The following TFCP2 variants were observed in gnomAD, a reference collection of about 807,000 sequenced individuals.
TFCP2 encodes the protein alpha-globin transcription factor CP2.
TFCP2 carries 33 observed loss-of-function variants against 73.4 expected under a neutral mutation model. The observed-to-expected ratio is 0.45, with a 90% CI of 0.34 to 0.60. The LOEUF is 0.60. Ranked by LOEUF, TFCP2 falls within the 20% of genes least tolerant of loss-of-function variation. The pLI, the probability that TFCP2 is intolerant of heterozygous loss-of-function variation, is 0.01. For missense variants in TFCP2, 352 were observed against 604.0 expected, an observed-to-expected ratio of 0.58 and a Z score of 4.37; for synonymous variants, 193 against 211.6, an observed-to-expected ratio of 0.91 and a Z score of 0.76.
At chr12:51,138,988 A>G (rs1180862731) in intron 1 of TFCP2, among the ~76,000 whole-genome samples, 1 of 152,200 alleles carries the variant, frequency 6.6e-6, no homozygotes, top group Non-Finnish European at 1.5e-5. Flanking sequence ...TGGCCAGCAA[A>G]TTCCCTAGAG....
intron 1 of TFCP2, among the ~76,000 whole-genome samples, chr12:51,137,803 A>T (rs1941095130): frequency 6.6e-6 from 1 of 152,212 alleles, no homozygotes; most frequent in Non-Finnish European, 1.5e-5. Context: ...ATAACTGGGA[A>T]AACACCAACA....
intron 4 of TFCP2, among the ~76,000 whole-genome samples, chr12:51,113,093 G>A (rs56847302): frequency 0.15 from 22,637 of 151,952 alleles, 2,089 homozygotes; most frequent in East Asian, 0.49. Flanking sequence ...CAGAACTGTG[G>A]TATTAACTAT....
chr12:51,157,378 C>T lies in TFCP2; in HGVS notation c.122+14923G>A, dbSNP rs1269422731. Reference sequence around the variant, plus strand: ...TTACCCTAGGTAGAATGCCGTGGAACAATCATGGTTAACTGCAGCCTTGAA... The same window carrying T: ...TTACCCTAGGTAGAATGCCGTGGAATAATCATGGTTAACTGCAGCCTTGAA... On this transcript the variant is annotated intron_variant, in intron 1 of 14. Transcript: ENST00000257915. Among the ~76,000 whole-genome samples the T allele has an allele frequency of 2.0e-5, 3 of 152,074 alleles. No individual in the cohort carries two copies. In the East Asian group the frequency reaches 5.8e-4, roughly 29 times the overall value.
chr12:51,104,009 T>A, intron 9 of TFCP2, 146 bp downstream of exon 9: 2 of 867,164 alleles, frequency 2.3e-6, no homozygotes, highest in Non-Finnish European at 3.8e-6. Flanking sequence ...TAGCACAGTA[T>A]CTGGTTCATA....
chr12:51,150,624 G>T (rs1353348974), intron 1 of TFCP2, among the ~76,000 whole-genome samples: 1 of 151,940 alleles, frequency 6.6e-6, no homozygotes, highest in Non-Finnish European at 1.5e-5. Flanking sequence ...GAGAAGATTT[G>T]GAAGATGGAC....
chr12:51,115,276 C>A (rs192004044), intron 4 of TFCP2, among the ~76,000 whole-genome samples: 1 of 151,842 alleles, frequency 6.6e-6, no homozygotes, highest in African/African-American at 2.4e-5. Context: ...CCCGCCACCA[C>A]GCCCAGCTAA....
intron 1 of TFCP2, among the ~76,000 whole-genome samples, chr12:51,123,802 T>C (rs1019642905): frequency 1.3e-5 from 2 of 152,226 alleles, no homozygotes; most frequent in African/African-American, 2.4e-5. Context: ...TTCACTGATA[T>C]GATGTATACT....
intron 1 of TFCP2, among the ~76,000 whole-genome samples, chr12:51,130,672 G>T (rs1297106379): frequency 6.6e-6 from 1 of 151,864 alleles, no homozygotes; most frequent in African/African-American, 2.4e-5. Context: ...AAACTAACTG[G>T]CTTATAAATC....
In TFCP2 at chr12:51,100,581, C is replaced by T. The variant is rs567973240; in HGVS notation, c.1152-802G>A. On this transcript the variant is annotated intron_variant, in intron 11 of 14. Transcript: ENST00000257915. ...CTGTAATCCCAGCACTTTAGGAAGG[C>T]GAGTCAGAAGGATTGCTTGAGCTCA... Among the ~76,000 whole-genome samples the T allele has an allele frequency of 1.4e-4, 22 of 152,234 alleles. 1 individual carries two copies. Among genetic ancestry groups the T allele is most frequent in the East Asian group, 3.9e-4 (2 of 5,178 alleles).
chr12:51,125,412 T>C (rs1408843004), intron 1 of TFCP2: 4 of 433,792 alleles, frequency 9.2e-6, no homozygotes, highest in Non-Finnish European at 1.8e-5. Flanking sequence ...TGCCATGTTT[T>C]CTTCTGTGGG....
At chr12:51,130,367 G>A (rs1940912905) in intron 1 of TFCP2, among the ~76,000 whole-genome samples, 1 of 152,026 alleles carries the variant, frequency 6.6e-6, no homozygotes, top group South Asian at 2.1e-4. Flanking sequence ...AGCTACTCAG[G>A]AGGCTGAGGC....
chr12:51,104,006 G>A, intron 9 of TFCP2, 149 bp downstream of exon 9: 2 of 852,084 alleles, frequency 2.3e-6, no homozygotes, highest in South Asian at 2.9e-5. Context: ...CCCTAGCACA[G>A]TATCTGGTTC....
At chr12:51,141,047 C>T (rs1374276775) in intron 1 of TFCP2, among the ~76,000 whole-genome samples, 1 of 151,560 alleles carries the variant, frequency 6.6e-6, no homozygotes, top group African/African-American at 2.4e-5. Context: ...CAGAGTGAGA[C>T]TCTGTCTAAA....
At chr12:51,120,177 C>CAA (rs33982936) in intron 1 of TFCP2, among the ~76,000 whole-genome samples, 85 of 57,206 alleles carry the variant, frequency 1.5e-3, no homozygotes, top group Middle Eastern at 0.025. Flanking sequence ...GACTCTGTCT[C>CAA]AAAAAAAAAA....
chr12:51,136,133 C>T (rs1027625067), intron 1 of TFCP2, among the ~76,000 whole-genome samples: 17 of 151,712 alleles, frequency 1.1e-4, no homozygotes, highest in Admixed American at 9.9e-4. Context: ...AGTGAAACCC[C>T]GTCTCTACTA....
intron 12 of TFCP2, 147 bp from the exon 13 acceptor site, chr12:51,099,065 T>C: frequency 1.2e-6 from 1 of 843,544 alleles, no homozygotes; most frequent in South Asian, 1.8e-5. Context: ...TGCAGCTGTG[T>C]GACCTAGGGC....
At chr12:51,118,590 A>G in intron 2 of TFCP2, 31 bp downstream of exon 2, 2 of 1,609,430 alleles carry the variant, frequency 1.2e-6, no homozygotes, top group South Asian at 1.1e-5. Context: ...GTAGGTCTGC[A>G]ATAGTACTAA....
intron 3 of TFCP2, among the ~76,000 whole-genome samples, chr12:51,117,247 G>A (rs1940550296): frequency 6.6e-6 from 1 of 152,154 alleles, no homozygotes; most frequent in South Asian, 2.1e-4. Context: ...TTTCAACTGT[G>A]CTGTGAATTA....
rs972568546 is a variant in TFCP2, at chr12:51,094,205, A to G, written c.*1036T>C. ...ATAAATAGTTTGAGAATGTCATTCA[A>G]GAACAGTAAATTTGGGGAGTTACAG... On this transcript the variant is annotated 3_prime_UTR_variant, in exon 15 of 15. Coordinates refer to ENST00000257915, the MANE Select transcript of TFCP2 (RefSeq NM_005653.5). The G allele has an allele frequency of 6.6e-6, 1 of 152,246 alleles. No individual in the cohort carries two copies. The highest frequency in any genetic ancestry group is 1.5e-5 in the Non-Finnish European group (1 of 68,048). The allele number at this position is 152,246 out of a possible 1,614,324, so 9.4% of individuals were successfully genotyped here.
Sources: gnomAD v4.1 joint callset for allele counts (sites outside exome capture counted in the v4.1 genomes callset) on GRCh38, gnomAD v4.1.1 for gene constraint, MANE v1.5 for transcripts, NCBI Gene and HGNC (gene_info 2026-07-23, HGNC 2026-07-21) for gene names.